Variants in COLGALT2 observed in about 807,000 individuals in gnomAD.
COLGALT2 encodes the protein procollagen galactosyltransferase 2.
A neutral mutation model predicts 73.4 loss-of-function variants in COLGALT2; 49 were observed. The ratio of observed to expected loss-of-function variants is 0.67; its 90% CI spans 0.53 to 0.85. The LOEUF is 0.85. Ranked by LOEUF, COLGALT2 falls within the 40% of genes least tolerant of loss-of-function variation. The probability of loss-of-function intolerance (pLI) is 0.00; values close to 1 mark genes in which losing one functional copy is unlikely to be tolerated. For missense variants in COLGALT2, 722 were observed against 790.2 expected (o/e 0.91, Z 1.03); for synonymous variants, 295 against 307.6 (o/e 0.96, Z 0.43).
rs1030136280 is a variant in COLGALT2, at chr1:183,936,278, C to G, written c.*2483G>C. The G allele has an allele frequency of 5.1e-6, 5 of 985,508 alleles. No homozygotes were observed. The African/African-American group carries it at 8.7e-5, about 17-fold the overall frequency. 61.0% of individuals were successfully genotyped at this position (985,508 alleles called of 1,614,324 possible). A position where few individuals can be genotyped will look rare whatever the true frequency, so the allele number is the denominator to read the frequency against. Reference sequence around the variant, plus strand: ...GGAGAGATAGGACAAATAATGAGGTCAAGGAACCTCTGGATTGCTGAAGAG... The same window carrying G: ...GGAGAGATAGGACAAATAATGAGGTGAAGGAACCTCTGGATTGCTGAAGAG... On this transcript the variant is annotated 3_prime_UTR_variant, in exon 12 of 12. Coordinates refer to ENST00000361927, the MANE Select transcript of COLGALT2 (RefSeq NM_015101.4).
At chr1:183,969,128 G>T in intron 5 of COLGALT2, 141 bp downstream of exon 5, 1 of 649,386 alleles carries the variant, frequency 1.5e-6, no homozygotes, top group Non-Finnish European at 2.5e-6. Flanking sequence ...AGAGGGTGCT[G>T]GTATGGTTAT....
intron 1 of COLGALT2, among the ~76,000 whole-genome samples, chr1:183,999,500 T>C (rs1428727873): frequency 6.6e-6 from 1 of 152,128 alleles, no homozygotes; most frequent in Non-Finnish European, 1.5e-5. Flanking sequence ...ATTCCCTGCT[T>C]TTCTAATCAC....
chr1:184,014,108 A>C (rs1326786760), intron 1 of COLGALT2, among the ~76,000 whole-genome samples: 1 of 152,176 alleles, frequency 6.6e-6, no homozygotes, highest in Non-Finnish European at 1.5e-5. Context: ...CAGGGAGAGA[A>C]TAGAGAGTTG....
intron 1 of COLGALT2, among the ~76,000 whole-genome samples, chr1:183,989,191 A>G (rs967443262): frequency 2.6e-5 from 4 of 152,210 alleles, no homozygotes; most frequent in African/African-American, 9.6e-5. Flanking sequence ...ACATGAGATG[A>G]GCAGATGCAA....
At chr1:184,024,103 T>A (rs980952353) in intron 1 of COLGALT2, among the ~76,000 whole-genome samples, 2 of 152,172 alleles carry the variant, frequency 1.3e-5, no homozygotes, top group Non-Finnish European at 2.9e-5. Flanking sequence ...GTTGTTTCAT[T>A]TTTCATGGCA....
At chr1:183,949,004 T>C (rs779609646) in intron 8 of COLGALT2, among the ~76,000 whole-genome samples, 19 of 152,152 alleles carry the variant, frequency 1.2e-4, no homozygotes, top group Non-Finnish European at 2.2e-4. Context: ...AAGAGTAAAA[T>C]ACTTAGGAGT....
rs150597623 is a variant in COLGALT2, at chr1:184,010,666, C to T, written c.263+26429G>A. 4.1e-4 allele frequency among the ~76,000 whole-genome samples: 62 copies of T among 152,288 alleles called. No individual in the cohort carries two copies. The East Asian group carries it at 0.011, about 27-fold the overall frequency. ...ATCTCCTAGAACCATGACCAAAGAACAGTGGCTACTGTGAGGACAGAAAGG... is the reference window on the plus strand; with the variant it reads ...ATCTCCTAGAACCATGACCAAAGAATAGTGGCTACTGTGAGGACAGAAAGG... On this transcript the variant is annotated intron_variant, in intron 1 of 11. Coordinates refer to ENST00000361927, the MANE Select transcript of COLGALT2 (RefSeq NM_015101.4).
chr1:183,947,883 A>G (rs1277008294), intron 8 of COLGALT2, among the ~76,000 whole-genome samples: 1 of 152,160 alleles, frequency 6.6e-6, no homozygotes, highest in African/African-American at 2.4e-5. Flanking sequence ...AACTCAAACT[A>G]TTAAAGTCAA....
chr1:184,031,108 T>G (rs543177631), intron 1 of COLGALT2, among the ~76,000 whole-genome samples: 42 of 152,308 alleles, frequency 2.8e-4, no homozygotes, highest in African/African-American at 9.9e-4. Context: ...GCAGGGAGGA[T>G]TGATAATTTC....
At chr1:183,941,764 T>G (rs190662427) in intron 10 of COLGALT2, among the ~76,000 whole-genome samples, 15 of 152,192 alleles carry the variant, frequency 9.9e-5, no homozygotes, top group African/African-American at 3.4e-4. Flanking sequence ...GATTACGGAG[T>G]CTGAGCTTCT....
chr1:183,982,838 ACTT>A (rs1231756630), intron 1 of COLGALT2, among the ~76,000 whole-genome samples: 7 of 152,138 alleles, frequency 4.6e-5, no homozygotes, highest in African/African-American at 1.7e-4. Flanking sequence ...TACAGCATCT[ACTT>A]CTTTCCTTGG....
chr1:183,965,796 C>T (rs1670851652), intron 5 of COLGALT2, among the ~76,000 whole-genome samples: 1 of 110,126 alleles, frequency 9.1e-6, no homozygotes, highest in Non-Finnish European at 1.9e-5. Flanking sequence ...CAAAGAATGG[C>T]AAAGGAAAAC....
chr1:183,931,911 T>C (rs1043113910), downstream of COLGALT2, among the ~76,000 whole-genome samples: 4 of 151,796 alleles, frequency 2.6e-5, no homozygotes, highest in African/African-American at 9.7e-5. Context: ...GGAGAAGCAT[T>C]CTAAATGAGA....
intron 8 of COLGALT2, among the ~76,000 whole-genome samples, chr1:183,950,192 AG>A (rs1670357961): frequency 6.6e-6 from 1 of 152,184 alleles, no homozygotes; most frequent in African/African-American, 2.4e-5. Flanking sequence ...AGCATAATTC[AG>A]CAGGTCTGAG....
At chr1:184,005,955 A>G (rs1038722688) in intron 1 of COLGALT2, among the ~76,000 whole-genome samples, 1 of 152,188 alleles carries the variant, frequency 6.6e-6, no homozygotes, top group Non-Finnish European at 1.5e-5. Flanking sequence ...GTATCTAAGG[A>G]AGAAAAAAGC....
At chr1:184,020,936 T>C (rs544138297) in intron 1 of COLGALT2, among the ~76,000 whole-genome samples, 3 of 152,230 alleles carry the variant, frequency 2.0e-5, no homozygotes, top group African/African-American at 7.2e-5. Context: ...CTTGGGACTG[T>C]TTGGATGTTC....
In COLGALT2 at chr1:183,944,189, C is replaced by T. The variant is rs1425585140; in HGVS notation, c.1397+7G>A. 6.2e-7 allele frequency: 1 copy of T among 1,606,590 alleles called. No homozygotes were observed. The highest frequency in any genetic ancestry group is 8.5e-7 in the Non-Finnish European group (1 of 1,177,326). On this transcript the variant is annotated splice_region_variant and intron_variant, in intron 10 of 11. Coordinates refer to ENST00000361927, the MANE Select transcript of COLGALT2 (RefSeq NM_015101.4). Reference sequence around the variant, plus strand: ...GAGCCCTCTCGTAAGATCATCTTGTCACTCACATCAGTTCCCAGTCCAGCT... The same window carrying T: ...GAGCCCTCTCGTAAGATCATCTTGTTACTCACATCAGTTCCCAGTCCAGCT...
chr1:184,013,750 G>T (rs1034175366), intron 1 of COLGALT2, among the ~76,000 whole-genome samples: 1 of 152,030 alleles, frequency 6.6e-6, no homozygotes, highest in African/African-American at 2.4e-5. Context: ...TGGTGGGAGG[G>T]GGGGTAAAAC....
downstream of COLGALT2, among the ~76,000 whole-genome samples, chr1:183,933,329 C>T (rs1052719329): frequency 3.3e-5 from 5 of 152,186 alleles, no homozygotes; most frequent in African/African-American, 9.7e-5. Context: ...GTGTGTGGTG[C>T]GCTAGAAGCT....
Sources: gnomAD v4.1 joint callset for allele counts (sites outside exome capture counted in the v4.1 genomes callset) on GRCh38, gnomAD v4.1.1 for gene constraint, MANE v1.5 for transcripts, NCBI Gene and HGNC (gene_info 2026-07-23, HGNC 2026-07-21) for gene names.